The following SUGCT variants were observed in gnomAD, a reference collection of about 807,000 sequenced individuals.
SUGCT encodes succinyl-CoA:glutarate-CoA transferase.
A neutral mutation model predicts 55.0 loss-of-function variants in SUGCT; 41 were observed. The ratio of observed to expected loss-of-function variants is 0.74; its 90% confidence interval spans 0.58 to 0.97. The LOEUF (loss-of-function observed/expected upper bound fraction) is 0.97, where lower values mean the gene tolerates loss of function less well. Ranked by LOEUF, SUGCT falls within the 50% of genes least tolerant of loss-of-function variation. The pLI, the probability that SUGCT is intolerant of heterozygous loss-of-function variation, is 0.00. For synonymous variants in SUGCT, 187 were observed against 200.4 expected (o/e 0.93, Z 0.56); for missense variants, 568 against 547.8 (o/e 1.04, Z -0.37).
the SUGCT span, among the ~76,000 whole-genome samples, chr7:40,925,079 A>C: frequency 2.0e-5 from 3 of 152,214 alleles, no homozygotes; most frequent in Non-Finnish European, 4.4e-5. Flanking sequence ...TGTTTTTAGA[A>C]GGAAGAGAGC....
chr7:40,633,124 A>C (rs1393489519), intron 12 of SUGCT, among the ~76,000 whole-genome samples: 2 of 152,202 alleles, frequency 1.3e-5, no homozygotes, highest in Admixed American at 6.5e-5. Flanking sequence ...ACATAGCACA[A>C]GATAACTATA....
the SUGCT span, among the ~76,000 whole-genome samples, chr7:41,026,161 C>T: frequency 2.0e-5 from 3 of 152,320 alleles, no homozygotes; most frequent in African/African-American, 4.8e-5. Context: ...CTGCGACCTG[C>T]GTAGGTCTTC....
chr7:40,663,802 T>A (rs1248783563), intron 12 of SUGCT, among the ~76,000 whole-genome samples: 1 of 152,210 alleles, frequency 6.6e-6, no homozygotes, highest in African/African-American at 2.4e-5. Flanking sequence ...AGTGTTGGCA[T>A]CACCTAGAGG....
At chr7:40,822,070 G>A (rs555846187) in intron 13 of SUGCT, among the ~76,000 whole-genome samples, 100 of 152,258 alleles carry the variant, frequency 6.6e-4, no homozygotes, top group Middle Eastern at 6.8e-3. Context: ...GTAGTTGAGC[G>A]GTTTTGAGTG....
At position 40,586,415 on chromosome 7, in the gene SUGCT, A is replaced by G. The variant is rs1385935530; in HGVS notation, c.1089+90029A>G. 2.0e-5 allele frequency among the ~76,000 whole-genome samples: 3 copies of G among 152,334 alleles called. No individual in the cohort carries two copies. The East Asian group carries it at 5.8e-4, about 29-fold the overall frequency. ...AAGCCACATGTAAGTAGTGGCTGCCAGACTGGATGATGCATGCTCTAAGAA... is the reference window on the plus strand; with the variant it reads ...AAGCCACATGTAAGTAGTGGCTGCCGGACTGGATGATGCATGCTCTAAGAA... On this transcript the variant is annotated intron_variant, in intron 12 of 13. Coordinates refer to ENST00000335693, the MANE Select transcript of SUGCT (RefSeq NM_001193313.2).
chr7:40,851,564 G>A (rs1277526437), intron 13 of SUGCT, among the ~76,000 whole-genome samples: 1 of 152,158 alleles, frequency 6.6e-6, no homozygotes, highest in African/African-American at 2.4e-5. Context: ...GGCATATGAA[G>A]CAGTTGAAGC....
chr7:40,338,118 G>A (rs1032310268), intron 9 of SUGCT, among the ~76,000 whole-genome samples: 8 of 152,266 alleles, frequency 5.3e-5, no homozygotes, highest in Admixed American at 1.3e-4. Flanking sequence ...CAATAGATCC[G>A]CTGTTAGTCT....
intron 9 of SUGCT, among the ~76,000 whole-genome samples, chr7:40,334,632 T>A (rs1457539626): frequency 6.6e-6 from 1 of 152,172 alleles, no homozygotes; most frequent in Non-Finnish European, 1.5e-5. Context: ...GTTTAAGTTC[T>A]TTGTAGATTC....
chr7:40,846,059 T>C (rs6952995), intron 13 of SUGCT, among the ~76,000 whole-genome samples: 32,965 of 151,866 alleles, frequency 0.22, 4,670 homozygotes, highest in East Asian at 0.79. Context: ...TGACTGGAAA[T>C]TTCCGGTTTT....
chr7:40,970,260 C>T, the SUGCT span, among the ~76,000 whole-genome samples: 1 of 152,162 alleles, frequency 6.6e-6, no homozygotes, highest in South Asian at 2.1e-4. Flanking sequence ...CAATCTCTGC[C>T]TCCTGGGTTC....
chr7:40,203,796 A>G (rs1786764118), intron 6 of SUGCT, among the ~76,000 whole-genome samples: 1 of 152,086 alleles, frequency 6.6e-6, no homozygotes, highest in Non-Finnish European at 1.5e-5. Flanking sequence ...AAGAAAGAAA[A>G]AAAAGAATAT....
At chr7:40,532,316 C>T (rs868543597) in intron 12 of SUGCT, among the ~76,000 whole-genome samples, 1 of 152,110 alleles carries the variant, frequency 6.6e-6, no homozygotes, top group Non-Finnish European at 1.5e-5. Context: ...GAGTGACCAT[C>T]AGGAAGAAAA....
At chr7:40,435,655 T>C (rs372523866) in intron 9 of SUGCT, among the ~76,000 whole-genome samples, 7 of 152,186 alleles carry the variant, frequency 4.6e-5, no homozygotes, top group African/African-American at 1.7e-4. Context: ...TCTACCTTTG[T>C]TCAATGGCTT....
chr7:40,759,153 T>G (rs1788410392), intron 13 of SUGCT, among the ~76,000 whole-genome samples: 1 of 152,178 alleles, frequency 6.6e-6, no homozygotes, highest in African/African-American at 2.4e-5. Context: ...TGCTTTCTCT[T>G]TGTTGCTGGG....
chr7:40,969,333 C>T, the SUGCT span, among the ~76,000 whole-genome samples: 1 of 152,178 alleles, frequency 6.6e-6, no homozygotes, highest in Non-Finnish European at 1.5e-5. Flanking sequence ...TTTTGGAGGC[C>T]TATTCCAACT....
At chr7:40,182,533 G>T (rs958035592) in intron 3 of SUGCT, among the ~76,000 whole-genome samples, 1 of 145,396 alleles carries the variant, frequency 6.9e-6, no homozygotes, top group Non-Finnish European at 1.5e-5. Context: ...CTGCACTCCA[G>T]CCTAGGCAAC....
chr7:40,463,864 T>C (rs754897837), intron 11 of SUGCT, among the ~76,000 whole-genome samples: 2 of 152,166 alleles, frequency 1.3e-5, no homozygotes, highest in Non-Finnish European at 2.9e-5. Context: ...AACTCAATCA[T>C]GTTAAAAATC....
At chr7:40,880,442 T>A in the SUGCT span, among the ~76,000 whole-genome samples, 1 of 152,202 alleles carries the variant, frequency 6.6e-6, no homozygotes, top group Non-Finnish European at 1.5e-5. Context: ...AAGCTCTCCA[T>A]CAATCTTTCA....
chr7:40,988,854 A>G, the SUGCT span, among the ~76,000 whole-genome samples: 2 of 151,568 alleles, frequency 1.3e-5, no homozygotes, highest in African/African-American at 4.8e-5. Flanking sequence ...TGGCTTTGCC[A>G]ATAAATAAAT....
Sources: gnomAD v4.1 joint callset for allele counts (sites outside exome capture counted in the v4.1 genomes callset) on GRCh38, gnomAD v4.1.1 for gene constraint, MANE v1.5 for transcripts, NCBI Gene and HGNC (gene_info 2026-07-23, HGNC 2026-07-21) for gene names.